EIF4G3: variants seen among roughly 807,000 people sequenced by gnomAD.
The protein encoded by EIF4G3 is eIF-4-gamma 3.
EIF4G3 carries 34 observed loss-of-function variants against 186.4 expected under a neutral mutation model. That is an observed-to-expected ratio of 0.18 (90% confidence interval 0.14 to 0.24). EIF4G3 has a LOEUF of 0.24. Ranked by LOEUF, EIF4G3 falls within the 10% of genes least tolerant of loss-of-function variation. EIF4G3 has a pLI of 1.00. For synonymous variants in EIF4G3, 673 were observed against 679.5 expected, an observed-to-expected ratio of 0.99 and a Z score of 0.15; for missense variants, 1,536 against 1,948.5, an observed-to-expected ratio of 0.79 and a Z score of 3.99.
chr1:21,024,189 C>T (rs1434970071), intron 4 of EIF4G3, among the ~76,000 whole-genome samples: 4 of 151,198 alleles, frequency 2.6e-5, no homozygotes, highest in South Asian at 4.2e-4. Context: ...GCCCCCCGCC[C>T]GGCCAGCCGC....
intron 3 of EIF4G3, among the ~76,000 whole-genome samples, chr1:21,054,337 G>C (rs1181700613): frequency 7.5e-6 from 1 of 133,120 alleles, no homozygotes; most frequent in Non-Finnish European, 1.7e-5. Context: ...CACTGCGGAA[G>C]GCCGCAGGGT....
chr1:21,086,184 T>G (rs1331213544), intron 3 of EIF4G3, among the ~76,000 whole-genome samples: 1 of 147,428 alleles, frequency 6.8e-6, no homozygotes, highest in Non-Finnish European at 1.5e-5. Context: ...AAATATCCAT[T>G]ACCTACATGA....
intron 30 of EIF4G3, among the ~76,000 whole-genome samples, chr1:20,837,891 A>G (rs537567140): frequency 1.8e-4 from 27 of 152,300 alleles, no homozygotes; most frequent in Middle Eastern, 3.4e-3. Flanking sequence ...ATTTAGAATA[A>G]AATAGTACAA....
intron 4 of EIF4G3, among the ~76,000 whole-genome samples, chr1:21,014,101 G>A (rs1210939691): frequency 6.6e-6 from 1 of 152,136 alleles, no homozygotes; most frequent in East Asian, 1.9e-4. Context: ...CCTGGGAGGT[G>A]GAGGCTGCAG....
chr1:21,092,730 T>C (rs1004537012), intron 2 of EIF4G3, among the ~76,000 whole-genome samples: 13 of 152,296 alleles, frequency 8.5e-5, no homozygotes, highest in Admixed American at 5.2e-4. Flanking sequence ...CAAAACAGCA[T>C]GGTACTGGTA....
intron 4 of EIF4G3, among the ~76,000 whole-genome samples, chr1:21,014,023 A>G (rs988607218): frequency 6.6e-6 from 1 of 152,160 alleles, no homozygotes; most frequent in Non-Finnish European, 1.5e-5. Flanking sequence ...TATAAAAATT[A>G]GCTGGGCATG....
intron 4 of EIF4G3, among the ~76,000 whole-genome samples, chr1:21,021,846 G>A (rs376692068): frequency 3.9e-5 from 6 of 152,224 alleles, no homozygotes; most frequent in South Asian, 2.1e-4. Flanking sequence ...ATGAACCACC[G>A]TGCCCGGCTC....
At chr1:21,148,640 T>C (rs866473238) in intron 2 of EIF4G3, among the ~76,000 whole-genome samples, 13 of 149,550 alleles carry the variant, frequency 8.7e-5, no homozygotes, top group South Asian at 4.2e-4. Flanking sequence ...AGGCGGAGCT[T>C]GCAGTGAGCC....
chr1:20,807,761 T>G (rs1348905003), intron 36 of EIF4G3, among the ~76,000 whole-genome samples: 1 of 139,560 alleles, frequency 7.2e-6, no homozygotes, highest in Non-Finnish European at 1.5e-5. Context: ...TTCTGTTTTT[T>G]TTTTTTTTTT....
intron 28 of EIF4G3, 117 bp from the exon 29 acceptor site, chr1:20,849,647 A>C (rs1439322541): frequency 2.2e-6 from 1 of 453,226 alleles, no homozygotes; most frequent in Non-Finnish European, 3.9e-6. Context: ...CAAGACATTT[A>C]ATAGATAAAA....
chr1:20,935,501 C>A, intron 14 of EIF4G3, among the ~76,000 whole-genome samples: 1 of 152,234 alleles, frequency 6.6e-6, no homozygotes, highest in South Asian at 2.1e-4. Context: ...TTAATAAAGT[C>A]TTACTAAACT....
chr1:21,056,420 G>A (rs539843408), intron 3 of EIF4G3, among the ~76,000 whole-genome samples: 3 of 152,128 alleles, frequency 2.0e-5, no homozygotes, highest in Admixed American at 6.5e-5. Context: ...TTCCATATTC[G>A]CTTTTAGTGT....
chr1:20,856,421 T>C (rs1246859763), intron 25 of EIF4G3, among the ~76,000 whole-genome samples: 3 of 152,252 alleles, frequency 2.0e-5, no homozygotes, highest in Non-Finnish European at 4.4e-5. Context: ...CAAACTAGAC[T>C]TGCAAATGAT....
At chr1:20,831,163 T>A (rs1210340046) in intron 30 of EIF4G3, among the ~76,000 whole-genome samples, 1 of 152,208 alleles carries the variant, frequency 6.6e-6, no homozygotes, top group Non-Finnish European at 1.5e-5. Context: ...TAGATGAGAC[T>A]GCAGATATCC....
chr1:21,141,469 TC>T (rs1419439844), intron 2 of EIF4G3, among the ~76,000 whole-genome samples: 2 of 148,858 alleles, frequency 1.3e-5, no homozygotes, highest in Non-Finnish European at 3.0e-5. Flanking sequence ...TGTATTTTTT[TC>T]CTACCAAGAG....
At chr1:20,859,075 T>C (rs1449943414) in intron 24 of EIF4G3, among the ~76,000 whole-genome samples, 1 of 152,232 alleles carries the variant, frequency 6.6e-6, no homozygotes, top group African/African-American at 2.4e-5. Context: ...GGTCCTAACA[T>C]AACGTCTTGA....
intron 3 of EIF4G3, among the ~76,000 whole-genome samples, chr1:21,078,670 C>T (rs1182460525): frequency 1.3e-5 from 2 of 152,180 alleles, no homozygotes; most frequent in Non-Finnish European, 2.9e-5. Context: ...TTGACCACCA[C>T]ACATTACTTG....
chr1:20,891,340 C>T (rs999314416), intron 18 of EIF4G3, among the ~76,000 whole-genome samples: 2 of 151,938 alleles, frequency 1.3e-5, no homozygotes, highest in African/African-American at 2.4e-5. Flanking sequence ...ACCACAGATG[C>T]TATTATCCAC....
At chr1:21,141,716 C>G (rs2097342840) in intron 2 of EIF4G3, among the ~76,000 whole-genome samples, 1 of 151,952 alleles carries the variant, frequency 6.6e-6, no homozygotes, top group African/African-American at 2.4e-5. Context: ...ATCGTTTGAA[C>G]CTAGGAGTTC....
Sources: gnomAD v4.1 joint callset for allele counts (sites outside exome capture counted in the v4.1 genomes callset) on GRCh38, gnomAD v4.1.1 for gene constraint, MANE v1.5 for transcripts, NCBI Gene and HGNC (gene_info 2026-07-23, HGNC 2026-07-21) for gene names.